Variants in FERMT2 observed in about 807,000 individuals in gnomAD.
FERMT2 encodes FERM domain containing kindlin 2.
In FERMT2, 15 loss-of-function variants were observed where a neutral mutation model predicts 82.7. The ratio of observed to expected loss-of-function variants is 0.18; its 90% CI spans 0.12 to 0.28. FERMT2 has a LOEUF of 0.28. FERMT2 is among the 10% of genes least tolerant of loss of function. The pLI is 1.00. For synonymous variants in FERMT2, 274 were observed against 271.5 expected, an observed-to-expected ratio of 1.01 and a Z score of -0.09; for missense variants, 645 against 809.4, an observed-to-expected ratio of 0.80 and a Z score of 2.46.
chr14:52,931,254 A>G (rs1394051722), intron 2 of FERMT2, among the ~76,000 whole-genome samples: 2 of 152,200 alleles, frequency 1.3e-5, no homozygotes, highest in Non-Finnish European at 2.9e-5. Flanking sequence ...AAGTAAAATG[A>G]GCTAAAAATA....
intron 12 of FERMT2, chr14:52,863,443 C>G (rs995698814): frequency 6.6e-6 from 1 of 152,110 alleles, no homozygotes; most frequent in African/African-American, 2.4e-5. Flanking sequence ...TCTCCCCACC[C>G]CCAAACTAAA....
At chr14:52,933,926 T>C (rs1889717767) in intron 2 of FERMT2, among the ~76,000 whole-genome samples, 1 of 152,004 alleles carries the variant, frequency 6.6e-6, no homozygotes, top group Admixed American at 6.6e-5. Context: ...GATAGGCACC[T>C]TTTCCTTTCC....
intron 3 of FERMT2, among the ~76,000 whole-genome samples, chr14:52,915,531 A>C (rs1240716310): frequency 2.0e-5 from 3 of 150,686 alleles, no homozygotes; most frequent in Non-Finnish European, 4.5e-5. Flanking sequence ...GAGAAATAAC[A>C]GACAATTCAA....
intron 3 of FERMT2, among the ~76,000 whole-genome samples, chr14:52,906,572 G>T (rs1888024616): frequency 6.6e-6 from 1 of 151,862 alleles, no homozygotes; most frequent in Non-Finnish European, 1.5e-5. Flanking sequence ...AAATAACTCA[G>T]ATGATAAAGA....
chr14:52,875,096 C>G, intron 8 of FERMT2, 127 bp downstream of exon 8: 1 of 813,986 alleles, frequency 1.2e-6, no homozygotes, highest in Non-Finnish European at 1.9e-6. Flanking sequence ...AAATTAACAT[C>G]TGATTTCTCT....
In FERMT2 at chr14:52,919,242, T is replaced by C. The variant is rs1888801720; in HGVS notation, c.272A>G (p.Gln91Arg). The C allele has an allele frequency of 1.9e-6, 3 of 1,614,128 alleles. No individual in the cohort carries two copies. The highest frequency in any genetic ancestry group is 2.5e-6 in the Non-Finnish European group (3 of 1,179,976). ...KYGIQADAKL[Q>R]FTPQHKLLRL... Reference sequence around the variant, plus strand: ...GAGCAGTTTGTGCTGAGGGGTGAACTGAAGCTTAGCATCTGCCTGAATACC... The same window carrying C: ...GAGCAGTTTGTGCTGAGGGGTGAACCGAAGCTTAGCATCTGCCTGAATACC... Residue 91 changes from glutamine to arginine, a missense_variant, in exon 3 of 15, where the codon CAG (glutamine) becomes CGG (arginine). Coordinates refer to ENST00000341590, the MANE Select transcript of FERMT2 (RefSeq NM_006832.3).
At chr14:52,892,462 T>TGTTTTTTTC (rs1555369022) in intron 4 of FERMT2, among the ~76,000 whole-genome samples, 11 of 136,614 alleles carry the variant, frequency 8.1e-5, no homozygotes, top group African/African-American at 2.8e-4. Context: ...TTTTGTTTTT[T>TGTTTTTTTC]TTTTTTTTTG....
chr14:52,896,719 G>A (rs116211300), intron 3 of FERMT2, among the ~76,000 whole-genome samples: 1,553 of 152,314 alleles, frequency 0.01, 28 homozygotes, highest in African/African-American at 0.035. Context: ...ACCTGGCACA[G>A]TGGTTCACGC....
intron 2 of FERMT2, among the ~76,000 whole-genome samples, chr14:52,920,463 T>G (rs1888895900): frequency 6.6e-6 from 1 of 151,362 alleles, no homozygotes; most frequent in Admixed American, 6.6e-5. Flanking sequence ...AAGTCCCATC[T>G]CTATAATTTT....
At chr14:52,938,820 C>T (rs1013649674) in intron 2 of FERMT2, among the ~76,000 whole-genome samples, 1 of 152,040 alleles carries the variant, frequency 6.6e-6, no homozygotes, top group African/African-American at 2.4e-5. Context: ...CCCATCTTGG[C>T]CTCCCTAAGT....
intron 2 of FERMT2, among the ~76,000 whole-genome samples, chr14:52,943,151 TGG>T (rs1890173964): frequency 7.0e-6 from 1 of 142,760 alleles, no homozygotes; most frequent in African/African-American, 2.7e-5. Flanking sequence ...GAGGTTGCAG[TGG>T]ACTGAAATCG....
intron 2 of FERMT2, among the ~76,000 whole-genome samples, chr14:52,946,065 C>CG (rs1890340662): frequency 6.6e-6 from 1 of 151,844 alleles, no homozygotes. Context: ...TTAGTAGAGG[C>CG]GGGGTTTCAC....
intron 3 of FERMT2, among the ~76,000 whole-genome samples, chr14:52,894,158 T>A (rs1887120122): frequency 6.6e-6 from 1 of 152,192 alleles, no homozygotes; most frequent in East Asian, 1.9e-4. Context: ...ATTCAAATAT[T>A]CTGCCCTGTA....
intron 2 of FERMT2, among the ~76,000 whole-genome samples, chr14:52,933,419 C>T (rs1267975453): frequency 6.6e-6 from 1 of 151,920 alleles, no homozygotes; most frequent in Non-Finnish European, 1.5e-5. Context: ...AAAAACTTTC[C>T]AAGTCTGGGC....
chr14:52,880,693 C>T (rs533692377), intron 6 of FERMT2, among the ~76,000 whole-genome samples: 2 of 152,112 alleles, frequency 1.3e-5, no homozygotes, highest in South Asian at 2.1e-4. Flanking sequence ...CCACTGCACC[C>T]GGCCTAAACT....
intron 2 of FERMT2, among the ~76,000 whole-genome samples, chr14:52,945,489 G>A (rs189247718): frequency 6.6e-6 from 1 of 151,684 alleles, no homozygotes; most frequent in South Asian, 2.1e-4. Flanking sequence ...CCTGACCTCA[G>A]GTGATCCACC....
chr14:52,949,379 AAAAAAAAAAAG>A (rs1431590136), intron 2 of FERMT2, among the ~76,000 whole-genome samples: 2 of 132,614 alleles, frequency 1.5e-5, no homozygotes, highest in East Asian at 5.2e-4. Flanking sequence ...TGCTGTGTTT[AAAAAAAAAAAG>A]AAAAAAAAAA....
intron 4 of FERMT2, among the ~76,000 whole-genome samples, chr14:52,891,325 T>C (rs1348784936): frequency 6.6e-6 from 1 of 152,236 alleles, no homozygotes; most frequent in Non-Finnish European, 1.5e-5. Context: ...TCAAAAACAC[T>C]ATCTTCTATA....
intron 2 of FERMT2, among the ~76,000 whole-genome samples, chr14:52,931,365 A>C (rs994642268): frequency 2.0e-5 from 3 of 152,252 alleles, no homozygotes; most frequent in African/African-American, 7.2e-5. Flanking sequence ...GTGGGAGTTC[A>C]AATGTGCTAA....
Sources: gnomAD v4.1 joint callset for allele counts (sites outside exome capture counted in the v4.1 genomes callset) on GRCh38, gnomAD v4.1.1 for gene constraint, MANE v1.5 for transcripts, NCBI Gene and HGNC (gene_info 2026-07-23, HGNC 2026-07-21) for gene names.